The following ST7 variants were observed in gnomAD, a reference collection of about 807,000 sequenced individuals.
The protein encoded by ST7 is suppression of tumorigenicity 7.
In ST7, 28 loss-of-function variants were observed where a neutral mutation model predicts 78.7. That is an observed-to-expected ratio of 0.36 (90% CI 0.26 to 0.49). The LOEUF (loss-of-function observed/expected upper bound fraction) is 0.49, where lower values mean the gene tolerates loss of function less well. ST7 is among the 20% of genes least tolerant of loss of function. The pLI, the probability that ST7 is intolerant of heterozygous loss-of-function variation, is 0.99. For missense variants in ST7, 418 were observed against 696.0 expected (o/e 0.60, Z 4.49); for synonymous variants, 247 against 249.6 (o/e 0.99, Z 0.10).
intron 1 of ST7, chr7:116,954,894 AACTTGTACCTTTC>A: frequency 3.2e-6 from 1 of 311,070 alleles, no homozygotes; most frequent in Middle Eastern, 1.1e-3. Context: ...TTTGTTAGGA[AACTTGTACCTTTC>A]AGATACTAAC....
intron 1 of ST7, among the ~76,000 whole-genome samples, chr7:116,978,231 C>G (rs893058624): frequency 4.6e-5 from 7 of 152,224 alleles, no homozygotes; most frequent in African/African-American, 1.7e-4. Context: ...AACAATGTCT[C>G]TCTTACCAGA....
intron 1 of ST7, among the ~76,000 whole-genome samples, chr7:117,064,750 A>C (rs551673444): frequency 6.6e-6 from 1 of 152,288 alleles, no homozygotes; most frequent in East Asian, 1.9e-4. Context: ...CTTTCTCTTA[A>C]AATACTGTTT....
intron 1 of ST7, among the ~76,000 whole-genome samples, chr7:116,964,781 T>G (rs1793017981): frequency 6.6e-6 from 1 of 152,168 alleles, no homozygotes. Context: ...TTTTGAAATA[T>G]TAGAAATTTG....
At chr7:117,119,015 A>G (rs1340084756) in intron 2 of ST7, among the ~76,000 whole-genome samples, 1 of 152,332 alleles carries the variant, frequency 6.6e-6, no homozygotes, top group African/African-American at 2.4e-5. Flanking sequence ...GGTGCTATCC[A>G]TGTGGGAAAC....
intron 1 of ST7, chr7:116,957,015 C>T (rs189556149): frequency 3.0e-5 from 5 of 169,346 alleles, no homozygotes; most frequent in East Asian, 3.6e-4. Context: ...AAGAGCTAAT[C>T]GTGGAATTTA....
chr7:117,030,020 C>G (rs1031142370), intron 1 of ST7, among the ~76,000 whole-genome samples: 3 of 151,964 alleles, frequency 2.0e-5, no homozygotes, highest in African/African-American at 7.3e-5. Context: ...CTTTCATATC[C>G]CTATGCATTT....
intron 1 of ST7, among the ~76,000 whole-genome samples, chr7:116,989,249 T>A (rs972597099): frequency 2.0e-5 from 3 of 152,236 alleles, no homozygotes; most frequent in Non-Finnish European, 4.4e-5. Flanking sequence ...TTCCCTTGCA[T>A]TGGCCACATT....
At chr7:116,964,695 A>G (rs1793013978) in intron 1 of ST7, among the ~76,000 whole-genome samples, 1 of 152,210 alleles carries the variant, frequency 6.6e-6, no homozygotes, top group Non-Finnish European at 1.5e-5. Flanking sequence ...GGCCATTTTC[A>G]TAAGGCTTTT....
intron 1 of ST7, among the ~76,000 whole-genome samples, chr7:117,045,593 C>A (rs906827322): frequency 2.0e-5 from 3 of 152,174 alleles, no homozygotes; most frequent in Admixed American, 6.5e-5. Context: ...TCCTCCATTG[C>A]ACTTATCACT....
chr7:116,953,696 G>A lies in ST7; in HGVS notation c.151+5G>A. The A allele has an allele frequency of 1.4e-6, 2 of 1,455,378 alleles. No homozygotes were observed. The highest frequency in any genetic ancestry group is 1.5e-5 in the African/African-American group (1 of 67,758). The allele number at this position is 1,455,378 out of a possible 1,614,324, so 90.2% of individuals were successfully genotyped here. On this transcript the variant is annotated splice_donor_5th_base_variant and intron_variant, in intron 1 of 15. Transcript: ENST00000323984. ...TCAACGACAACTTGAGCACAGGTAA[G>A]GCCTGGGAGCCGGGCCCGCGGCGCC...
chr7:117,095,308 G>C (rs1167574335), intron 1 of ST7, among the ~76,000 whole-genome samples: 3 of 152,098 alleles, frequency 2.0e-5, no homozygotes, highest in Non-Finnish European at 1.5e-5. Context: ...TAAGCCTTCT[G>C]GTGTGAATTC....
chr7:117,216,157 A>G (rs1792677863), intron 13 of ST7, among the ~76,000 whole-genome samples: 1 of 152,170 alleles, frequency 6.6e-6, no homozygotes, highest in Non-Finnish European at 1.5e-5. Flanking sequence ...GTGTCTGGTC[A>G]GGGATAGAAG....
intron 14 of ST7, among the ~76,000 whole-genome samples, chr7:117,220,906 T>C (rs2116167585): frequency 6.6e-6 from 1 of 152,304 alleles, no homozygotes; most frequent in East Asian, 1.9e-4. Flanking sequence ...TGGATTACTG[T>C]TGAAGACTCT....
At position 117,001,376 on chromosome 7, in the gene ST7, G is replaced by A. The variant is rs1303560031; in HGVS notation, c.151+47685G>A. ...AACTACCAATACTAAGTATAGTTGAGTGGTTTTCCTGCTGTTTTCTATTAT... is the reference window on the plus strand; with the variant it reads ...AACTACCAATACTAAGTATAGTTGAATGGTTTTCCTGCTGTTTTCTATTAT... On this transcript the variant is annotated intron_variant, in intron 1 of 15. Coordinates refer to ENST00000323984, the MANE Select transcript of ST7 (RefSeq NM_001369598.1). 3.9e-5 allele frequency among the ~76,000 whole-genome samples: 6 copies of A among 152,210 alleles called. No homozygotes were observed. In the East Asian group the frequency reaches 9.6e-4, roughly 24 times the overall value.
intron 4 of ST7, among the ~76,000 whole-genome samples, 185 bp from the exon 5 acceptor site, chr7:117,130,306 T>C (rs1452123753): frequency 1.3e-5 from 2 of 151,894 alleles, no homozygotes; most frequent in African/African-American, 2.4e-5. Flanking sequence ...AATGTTTATT[T>C]CTTTTGACTG....
chr7:117,153,000 C>T (rs1047924012), intron 9 of ST7, among the ~76,000 whole-genome samples: 7 of 151,986 alleles, frequency 4.6e-5, no homozygotes, highest in Admixed American at 2.0e-4. Flanking sequence ...TAGTGGGTCC[C>T]GGTAGAATAA....
At chr7:116,988,997 A>C (rs1281603062) in intron 1 of ST7, among the ~76,000 whole-genome samples, 1 of 152,226 alleles carries the variant, frequency 6.6e-6, no homozygotes, top group Non-Finnish European at 1.5e-5. Flanking sequence ...TCTAGCATAG[A>C]GGTATCCAAC....
rs542937372 is a variant in ST7, at chr7:117,171,073, T to G, written c.1078+97T>G. ...GGTCATTTCAAATAGCACAGCACTT[T>G]TGTAGCCATACTCTTATAGAATTTT... On this transcript the variant is annotated intron_variant, in intron 10 of 15. Transcript: ENST00000323984. 5 of 631,940 alleles carry G rather than the reference T, an allele frequency of 7.9e-6. 1 individual carries two copies. In the South Asian group the frequency reaches 1.5e-4, roughly 19 times the overall value. The allele number at this position is 631,940 out of a possible 1,614,324, so 39.1% of individuals were successfully genotyped here.
chr7:117,103,202 C>T (rs1801695952), intron 2 of ST7, among the ~76,000 whole-genome samples: 1 of 151,996 alleles, frequency 6.6e-6, no homozygotes, highest in Non-Finnish European at 1.5e-5. Flanking sequence ...TTATTTAATG[C>T]AATCCCTATC....
Sources: allele counts gnomAD v4.1 joint callset (sites outside exome capture counted in the v4.1 genomes callset), GRCh38; gene constraint gnomAD v4.1.1; transcripts MANE v1.5; gene names NCBI Gene and HGNC (gene_info 2026-07-23, HGNC 2026-07-21).